TRIO: variants seen among roughly 807,000 people sequenced by gnomAD.
TRIO encodes the protein trio Rho guanine nucleotide exchange factor.
In TRIO, 58 loss-of-function variants were observed where a neutral mutation model predicts 351.9. The ratio of observed to expected loss-of-function variants is 0.16; its 90% CI spans 0.13 to 0.21. The LOEUF is 0.21. Ranked by LOEUF, TRIO falls within the 10% of genes least tolerant of loss-of-function variation. TRIO has a pLI of 1.00. For missense variants in TRIO, 3,201 were observed against 4,027.8 expected (o/e 0.79, Z 5.56); for synonymous variants, 1,758 against 1,595.7 (o/e 1.10, Z -2.42).
chr5:14,455,544 A>G (rs1487036610), intron 34 of TRIO, among the ~76,000 whole-genome samples: 1 of 151,472 alleles, frequency 6.6e-6, no homozygotes, highest in Non-Finnish European at 1.5e-5. Context: ...TTAGCTAGAC[A>G]TAAAAGTTCT....
chr5:14,224,140 T>G (rs919557247), intron 1 of TRIO, among the ~76,000 whole-genome samples: 3 of 152,136 alleles, frequency 2.0e-5, no homozygotes, highest in African/African-American at 7.2e-5. Flanking sequence ...CATTTTTCAT[T>G]TCTTGATTCT....
intron 1 of TRIO, among the ~76,000 whole-genome samples, chr5:14,258,422 G>A (rs576937003): frequency 3.3e-5 from 5 of 152,224 alleles, no homozygotes; most frequent in Admixed American, 2.6e-4. Context: ...CTGCACTGCC[G>A]TTTTTATTAC....
At chr5:14,451,923 C>T (rs982897872) in intron 34 of TRIO, among the ~76,000 whole-genome samples, 2 of 152,218 alleles carry the variant, frequency 1.3e-5, no homozygotes, top group African/African-American at 4.8e-5. Flanking sequence ...GAATATCTGT[C>T]TTTAACATAA....
Position 14,507,871 on chromosome 5 carries a change from G to A in TRIO, c.8752-9G>A. 3.7e-6 allele frequency: 6 copies of A among 1,609,168 alleles called. No homozygotes were observed. Among genetic ancestry groups the A allele is most frequent in the Non-Finnish European group, 5.1e-6 (6 of 1,177,396 alleles). ...GGTCTGAAAATGACAGTTGTATTCT[G>A]ATTTCCAGCCTGAGAATATCCTGGT... On this transcript the variant is annotated splice_polypyrimidine_tract_variant and intron_variant, in intron 56 of 56. Coordinates refer to ENST00000344204, the MANE Select transcript of TRIO (RefSeq NM_007118.4).
At chr5:14,410,516 A>G (rs542971454) in intron 33 of TRIO, among the ~76,000 whole-genome samples, 25 of 152,280 alleles carry the variant, frequency 1.6e-4, no homozygotes, top group South Asian at 1.0e-3. Context: ...TGCCCTACGT[A>G]GTTTAAGTTT....
Position 14,492,722 on chromosome 5 carries a change from T to C in TRIO, c.7788T>C (p.Thr2596=). The change falls in exon 49 of 57, where the codon ACT becomes ACC. Residue 2596 remains threonine, a synonymous_variant. Coordinates refer to ENST00000344204, the MANE Select transcript of TRIO (RefSeq NM_007118.4). ...QNMFLVFRAA[T]DQCPAAEGWI... is the part of the protein sequence containing the mutation. ...TGTTTCTGGTGTTCCGAGCCGCCAC[T>C]GACCAGTGCCCCGCAGCTGAGGGCT... 6.2e-7 allele frequency: 1 copy of C among 1,614,180 alleles called. No individual in the cohort carries two copies. The highest frequency in any genetic ancestry group is 1.7e-5 in the Admixed American group (1 of 60,026).
chr5:14,434,438 A>G (rs962667202), intron 34 of TRIO, among the ~76,000 whole-genome samples: 1 of 150,892 alleles, frequency 6.6e-6, no homozygotes, highest in Non-Finnish European at 1.5e-5. Flanking sequence ...ACTTTTTCAT[A>G]CTCTCAGTTT....
At chr5:14,490,174 G>A (rs1425609461) in intron 48 of TRIO, among the ~76,000 whole-genome samples, 3 of 152,230 alleles carry the variant, frequency 2.0e-5, no homozygotes, top group Non-Finnish European at 2.9e-5. Flanking sequence ...AGCTACTTGG[G>A]AGGCTGAGGC....
intron 1 of TRIO, among the ~76,000 whole-genome samples, chr5:14,222,201 C>T (rs1792683765): frequency 2.0e-5 from 3 of 149,952 alleles, no homozygotes. Context: ...TTTTTAAAGA[C>T]AAATACTACC....
intron 8 of TRIO, among the ~76,000 whole-genome samples, chr5:14,308,290 G>C (rs116068985): frequency 3.6e-5 from 5 of 139,414 alleles, no homozygotes; most frequent in Admixed American, 7.0e-5. Flanking sequence ...TCATCCACCC[G>C]ACCACCCATC....
chr5:14,217,345 A>AT (rs1792287714), intron 1 of TRIO, among the ~76,000 whole-genome samples: 1 of 152,042 alleles, frequency 6.6e-6, no homozygotes, highest in African/African-American at 2.4e-5. Flanking sequence ...CTATCCCTAC[A>AT]CCTGCAGCTT....
At chr5:14,479,383 T>C in intron 42 of TRIO, 33 bp downstream of exon 42, 1 of 1,545,626 alleles carries the variant, frequency 6.5e-7, no homozygotes, top group Non-Finnish European at 8.9e-7. Flanking sequence ...AAAGTATTTC[T>C]GAATCTTTTG....
At chr5:14,321,862 G>A (rs756583556) in intron 9 of TRIO, among the ~76,000 whole-genome samples, 7 of 152,084 alleles carry the variant, frequency 4.6e-5, no homozygotes, top group Non-Finnish European at 8.8e-5. Flanking sequence ...TTTATAAATG[G>A]GAGTTCCCCT....
At chr5:14,224,590 C>T (rs758690143) in intron 1 of TRIO, among the ~76,000 whole-genome samples, 5 of 151,686 alleles carry the variant, frequency 3.3e-5, no homozygotes, top group Non-Finnish European at 7.4e-5. Context: ...GAATGAGTTA[C>T]GAGGGATAGT....
intron 8 of TRIO, among the ~76,000 whole-genome samples, chr5:14,314,524 A>C (rs1206066303): frequency 6.6e-6 from 1 of 151,312 alleles, no homozygotes; most frequent in Admixed American, 6.5e-5. Flanking sequence ...TAAAGTTCCA[A>C]AGAAAACCAA....
intron 13 of TRIO, among the ~76,000 whole-genome samples, chr5:14,363,104 T>A (rs1392090754): frequency 6.6e-6 from 1 of 151,418 alleles, no homozygotes; most frequent in Non-Finnish European, 1.5e-5. Flanking sequence ...GTTCAAGCGA[T>A]CCTCCTACCT....
chr5:14,196,681 G>A (rs888107626), intron 1 of TRIO, among the ~76,000 whole-genome samples: 1 of 152,176 alleles, frequency 6.6e-6, no homozygotes, highest in African/African-American at 2.4e-5. Flanking sequence ...GGCACCTGGT[G>A]CCTGCGAAGT....
intron 2 of TRIO, among the ~76,000 whole-genome samples, chr5:14,275,614 A>G (rs1306224603): frequency 6.6e-6 from 1 of 151,478 alleles, no homozygotes; most frequent in Non-Finnish European, 1.5e-5. Flanking sequence ...TTCTGCTTTT[A>G]AAATATGAGC....
chr5:14,247,880 A>T (rs966754258), intron 1 of TRIO, among the ~76,000 whole-genome samples: 2 of 152,124 alleles, frequency 1.3e-5, no homozygotes, highest in African/African-American at 4.8e-5. Flanking sequence ...AGCCTGGCCA[A>T]TATGGTGAAA....
Sources: allele counts gnomAD v4.1 joint callset (sites outside exome capture counted in the v4.1 genomes callset), GRCh38; gene constraint gnomAD v4.1.1; transcripts MANE v1.5; gene names NCBI Gene and HGNC (gene_info 2026-07-23, HGNC 2026-07-21).